SYNPO2L: variants seen among roughly 807,000 people sequenced by gnomAD.
SYNPO2L encodes the protein synaptopodin 2-like protein.
Under a neutral mutation model 47.5 loss-of-function variants are expected in SYNPO2L, and 34 were observed. The observed-to-expected ratio is 0.72, with a 90% CI of 0.54 to 0.95. The LOEUF is 0.95. Ranked by LOEUF, SYNPO2L falls within the 40% of genes least tolerant of loss-of-function variation. The pLI is 0.00. For missense variants in SYNPO2L, 1,246 were observed against 1,282.0 expected (o/e 0.97, Z 0.43); for synonymous variants, 536 against 524.9 (o/e 1.02, Z -0.29).
Position 73,653,342 on chromosome 10 carries a change from C to CCAGGGATAGTAGGTGCTGGCTCTG in SYNPO2L, c.545_568dup (p.Ala182_Pro189dup). The CCAGGGATAGTAGGTGCTGGCTCTG allele has an allele frequency of 6.4e-7, 1 of 1,551,570 alleles. No individual in the cohort carries two copies. Among genetic ancestry groups the CCAGGGATAGTAGGTGCTGGCTCTG allele is most frequent in the East Asian group, 2.4e-5 (1 of 40,916 alleles). On this transcript the variant is annotated inframe_insertion, in exon 3 of 4. Coordinates refer to ENST00000394810, the MANE Select transcript of SYNPO2L (RefSeq NM_001114133.3). ...ACGGCTGTCACCCTGGCTGGGAGGG[C>CCAGGGATAGTAGGTGCTGGCTCTG]CAGGGATAGTAGGTGCTGGCTCTGC...
At chr10:73,654,341 G>A in intron 1 of SYNPO2L, 61 bp from the exon 2 acceptor site, 3 of 1,537,090 alleles carry the variant, frequency 2.0e-6, no homozygotes, top group Non-Finnish European at 1.8e-6. Flanking sequence ...AGAATGAAAG[G>A]AAAAGATGGG....
Position 73,647,161 on chromosome 10 carries a change from C to T in SYNPO2L, c.2491G>A (p.Ala831Thr). 1 of 1,613,794 alleles carries T rather than the reference C, an allele frequency of 6.2e-7. No homozygotes were observed. Among genetic ancestry groups the T allele is most frequent in the Non-Finnish European group, 8.5e-7 (1 of 1,179,892 alleles). ...GTTGCCCGAGGCCCCTGGGATTGGG[C>T]CTTAGGGAGAGTTCGGGCCGCCTGG... is the stretch of plus-strand genomic sequence containing the variant. ...FPQAARTLPK[A>T]QSQGPRATPK... The change falls in exon 4 of 4, where the codon GCC becomes ACC. Residue 831 changes from alanine to threonine, a missense_variant. Transcript: ENST00000394810.
At position 73,647,475 on chromosome 10, in the gene SYNPO2L, G is replaced by A; in HGVS notation, c.2177C>T (p.Ala726Val). Residue 726 changes from alanine to valine, a missense_variant, in exon 4 of 4, where the codon GCT (alanine) becomes GTT (valine). By Grantham distance (64) the Ala-to-Val change is moderately conservative. Around this residue, in one of 3 missense-constraint regions of SYNPO2L, gnomAD observed 1,037 missense variants for 1,021.5 expected, o/e 1.02. Coordinates refer to ENST00000394810, the MANE Select transcript of SYNPO2L (RefSeq NM_001114133.3). ...PMTPKTPPPV[A>V]PKPPSRGLLD... The stretch of plus-strand genomic sequence containing the variant: ...GAGCCCTCGAGATGGGGGCTTAGGA[G>A]CCACTGGGGGTGGAGTCTTAGGAGT... 1.3e-6 allele frequency: 2 copies of A among 1,594,624 alleles called. No homozygotes were observed. Among genetic ancestry groups the A allele is most frequent in the Non-Finnish European group, 8.6e-7 (1 of 1,168,120 alleles).
chr10:73,655,299 T>C (rs7901549), intron 1 of SYNPO2L, among the ~76,000 whole-genome samples: 18,279 of 152,066 alleles, frequency 0.12, 2,520 homozygotes, highest in African/African-American at 0.32. Context: ...ATAACCCTCC[T>C]AGCACCTAAA....
rs1478742605 is a variant in SYNPO2L, at chr10:73,647,980, G to A, written c.1672C>T (p.Pro558Ser). The A allele has an allele frequency of 2.6e-6, 4 of 1,544,752 alleles. No homozygotes were observed. The Admixed American group carries it at 6.2e-5, about 24-fold the overall frequency. ...TCTGGAGCTCCACCTGGGGTGACAG[G>A]CCGACTAGGGGCTGGGATGTACAGG... ...SSLYIPAPSR[P>S]VTPGGAPEPP... The change falls in exon 4 of 4, where the codon CCT (proline) becomes TCT (serine). Residue 558 changes from proline (P) to serine (S), a missense_variant. This residue lies in a region of SYNPO2L where 1,037 missense variants were observed against 1,021.5 expected (regional missense o/e 1.02). Transcript: ENST00000394810.
At chr10:73,651,464 GA>G (rs981261383) in intron 3 of SYNPO2L, among the ~76,000 whole-genome samples, 4 of 152,114 alleles carry the variant, frequency 2.6e-5, no homozygotes, top group African/African-American at 9.7e-5. Context: ...AATGGTGGAG[GA>G]GAGGGAAGAA....
chr10:73,646,075 C>T lies in SYNPO2L; in HGVS notation c.*643G>A, dbSNP rs1433695129. The T allele has an allele frequency of 9.2e-6, 9 of 983,316 alleles. No individual in the cohort carries two copies. The highest frequency in any genetic ancestry group is 1.7e-5 in the African/African-American group (1 of 57,210). 60.9% of individuals were successfully genotyped at this position (983,316 alleles called of 1,614,324 possible). A position where few individuals can be genotyped will look rare whatever the true frequency, so the allele number is the denominator to read the frequency against. On this transcript the variant is annotated 3_prime_UTR_variant, in exon 4 of 4. Coordinates refer to ENST00000394810, the MANE Select transcript of SYNPO2L (RefSeq NM_001114133.3). ...TCCTGACCTCGTGATCCGCCCGCCTCGGCCTCCCAAAGTGCTGGGATTACC... is the reference window on the plus strand; with the variant it reads ...TCCTGACCTCGTGATCCGCCCGCCTTGGCCTCCCAAAGTGCTGGGATTACC...
rs1196401652 is a variant in SYNPO2L at position 73,648,318 on chromosome 10, G to A, written c.1334C>T (p.Ala445Val). Reference sequence around the variant, plus strand: ...ACCTGGTTGGAAGGGTCTGGGGCTGGCTACAGGCGCCGGCAAGGGGCTGGG... The same window carrying A: ...ACCTGGTTGGAAGGGTCTGGGGCTGACTACAGGCGCCGGCAAGGGGCTGGG... ...LPPSPLPAPVASPRPFQPGGG... is the reference protein window; with the variant it reads ...LPPSPLPAPVVSPRPFQPGGG... The change falls in exon 4 of 4, where the codon GCC becomes GTC. Residue 445 changes from alanine (A) to valine (V), a missense_variant. This residue lies in a region of SYNPO2L where 1,037 missense variants were observed against 1,021.5 expected (regional missense o/e 1.02). Coordinates refer to ENST00000394810, the MANE Select transcript of SYNPO2L (RefSeq NM_001114133.3). 1.2e-6 allele frequency: 2 copies of A among 1,604,690 alleles called. No individual in the cohort carries two copies. Among genetic ancestry groups the A allele is most frequent in the South Asian group, 1.1e-5 (1 of 90,842 alleles).
At chr10:73,654,086 G>A in intron 2 of SYNPO2L, 43 bp downstream of exon 2, 5 of 1,540,726 alleles carry the variant, frequency 3.2e-6, no homozygotes, top group Non-Finnish European at 4.4e-6. Flanking sequence ...ACAGGCAATG[G>A]GAGCCCTGGA....
At position 73,646,543 on chromosome 10, in the gene SYNPO2L, G is replaced by T; in HGVS notation, c.*175C>A. 2.4e-6 allele frequency: 3 copies of T among 1,261,578 alleles called. No homozygotes were observed. The highest frequency in any genetic ancestry group is 3.0e-6 in the Non-Finnish European group (3 of 1,003,474). The allele number at this position is 1,261,578 out of a possible 1,614,324, so 78.1% of individuals were successfully genotyped here. A position where few individuals can be genotyped will look rare whatever the true frequency, so the allele number is the denominator to read the frequency against. Reference sequence around the variant, plus strand: ...AGCAGACATACTTGGTTGGAAAGCGGCAGGGAGGTAGAGAGTGAGGAGGAA... The same window carrying T: ...AGCAGACATACTTGGTTGGAAAGCGTCAGGGAGGTAGAGAGTGAGGAGGAA... On this transcript the variant is annotated 3_prime_UTR_variant, in exon 4 of 4. Transcript: ENST00000394810.
intron 3 of SYNPO2L, among the ~76,000 whole-genome samples, chr10:73,649,575 A>C (rs990755952): frequency 9.9e-5 from 15 of 152,144 alleles, no homozygotes; most frequent in Non-Finnish European, 1.6e-4. Context: ...TCTCATTCAC[A>C]TATACCCCAG....
At position 73,647,151 on chromosome 10, in the gene SYNPO2L, T is replaced by C; in HGVS notation, c.2501A>G (p.Gln834Arg). 1 of 1,613,862 alleles carries C rather than the reference T, an allele frequency of 6.2e-7. No homozygotes were observed. The highest frequency in any genetic ancestry group is 8.5e-7 in the Non-Finnish European group (1 of 1,179,912). Residue 834 changes from glutamine to arginine, a missense_variant, in exon 4 of 4, where the codon CAG becomes CGG. By Grantham distance (43) the Gln-to-Arg change is conservative. Transcript: ENST00000394810. ...AARTLPKAQS[Q>R]GPRATPKQGI... ...CTGCTTGGGTGTTGCCCGAGGCCCC[T>C]GGGATTGGGCCTTAGGGAGAGTTCG... is the stretch of plus-strand genomic sequence containing the variant.
At chr10:73,651,190 T>C (rs1424224358) in intron 3 of SYNPO2L, among the ~76,000 whole-genome samples, 2 of 152,168 alleles carry the variant, frequency 1.3e-5, no homozygotes, top group Admixed American at 6.5e-5. Flanking sequence ...TGTGGGCACC[T>C]GCCTTCCCTT....
Position 73,647,771 on chromosome 10 carries a change from G to A in SYNPO2L, c.1881C>T (p.Ala627=), listed in dbSNP as rs766197020. The A allele has an allele frequency of 6.2e-7, 1 of 1,613,724 alleles. No homozygotes were observed. The highest frequency in any genetic ancestry group is 1.1e-5 in the South Asian group (1 of 91,052). ...PAARTGILQE[A]RRRGTRKQMF... is the part of the protein sequence containing the mutation. ...TCTGCTTCCGGGTCCCCCGGCGCCGGGCCTCCTGCAGGATACCCGTGCGGG... is the reference window on the plus strand; with the variant it reads ...TCTGCTTCCGGGTCCCCCGGCGCCGAGCCTCCTGCAGGATACCCGTGCGGG... Residue 627 remains alanine (A), a synonymous_variant, in exon 4 of 4, where the codon GCC becomes GCT. Coordinates refer to ENST00000394810, the MANE Select transcript of SYNPO2L (RefSeq NM_001114133.3).
In SYNPO2L at chr10:73,645,510, ATT is replaced by A; in HGVS notation, c.*1206_*1207del. On this transcript the variant is annotated 3_prime_UTR_variant, in exon 4 of 4. Transcript: ENST00000394810. ...AATGATTTGTTCATTCTCGGAGGGA[ATT>A]TTCTTTCTTTTTTTCATTTCCTGGG... 1 of 992,180 alleles carries A rather than the reference ATT, an allele frequency of 1.0e-6. No homozygotes were observed. The highest frequency in any genetic ancestry group is 1.2e-6 in the Non-Finnish European group (1 of 835,230). 61.5% of individuals were successfully genotyped at this position (992,180 alleles called of 1,614,324 possible).
Position 73,648,047 on chromosome 10 carries a change from G to C in SYNPO2L, c.1605C>G (p.Pro535=), listed in dbSNP as rs756249642. 6.3e-7 allele frequency: 1 copy of C among 1,592,024 alleles called. No individual in the cohort carries two copies. The highest frequency in any genetic ancestry group is 8.6e-7 in the Non-Finnish European group (1 of 1,169,366). Residue 535 remains proline, a synonymous_variant, in exon 4 of 4, where the codon CCC becomes CCG. Transcript: ENST00000394810. ...VPSHAPVSGS[P]STPRSSGPVT... ...CAGGGCCCGAGGAGCGTGGGGTGCT[G>C]GGGGAACCAGAGACTGGCGCGTGGC...
chr10:73,647,610 G>A lies in SYNPO2L; in HGVS notation c.2042C>T (p.Ala681Val), dbSNP rs939132708. ...GPEEDALSLG[A>V]EACNFMQPVG... ...TGGCTGCATGAAGTTGCAGGCTTCA[G>A]CCCCGAGGCTCAGAGCATCTTCTTC... Residue 681 changes from alanine to valine, a missense_variant, in exon 4 of 4, where the codon GCT (alanine) becomes GTT (valine). By Grantham distance (64) the Ala-to-Val change is moderately conservative (BLOSUM62 0). Coordinates refer to ENST00000394810, the MANE Select transcript of SYNPO2L (RefSeq NM_001114133.3). 6 of 1,614,048 alleles carry A rather than the reference G, an allele frequency of 3.7e-6. No homozygotes were observed. The highest frequency in any genetic ancestry group is 2.7e-5 in the African/African-American group (2 of 74,934).
chr10:73,653,405 C>T lies in SYNPO2L; in HGVS notation c.506G>A (p.Gly169Asp), dbSNP rs1414770575. 6 of 1,551,330 alleles carry T rather than the reference C, an allele frequency of 3.9e-6. No homozygotes were observed. In the Admixed American group the frequency reaches 9.8e-5, roughly 25 times the overall value. The change falls in exon 3 of 4, where the codon GGT becomes GAT. Residue 169 changes from glycine (G) to aspartate (D), a missense_variant. Gly to Asp is a moderately conservative substitution (Grantham distance 94). This residue lies in a region of SYNPO2L where 148 missense variants were observed against 204.8 expected (regional missense o/e 0.72). Transcript: ENST00000394810. Reference protein sequence around the residue: ...RRGPTRPTPPGAPPDEVYLSD... With the variant: ...RRGPTRPTPPDAPPDEVYLSD... ...CAGGTAGACCTCATCAGGTGGGGCA[C>T]CCGGAGGGGTGGGCCTTGTGGGGCC...
rs199587394 is a variant in SYNPO2L at position 73,654,277 on chromosome 10, G to T, written c.109C>A (p.Arg37=). Residue 37 remains arginine (R), a synonymous_variant, in exon 2 of 4, where the codon CGA becomes AGA. Transcript: ENST00000394810. The part of the protein sequence containing the change: ...QRKPLQVSKI[R]RRSQAGRAGL... ...GCTCTGCCAGCCTGGCTCCGTCTTC[G>T]AATCTGAGATGTTGAAGGAGACACT... 7.3e-4 allele frequency: 1,131 copies of T among 1,551,328 alleles called. No homozygotes were observed. Among genetic ancestry groups the T allele is most frequent in the Non-Finnish European group, 9.1e-4 (1,040 of 1,146,946 alleles).
Sources: allele counts gnomAD v4.1 joint callset (sites outside exome capture counted in the v4.1 genomes callset), GRCh38; gene constraint gnomAD v4.1.1; regional missense constraint gnomAD v4.1.1; transcripts MANE v1.5; gene names NCBI Gene and HGNC (gene_info 2026-07-23, HGNC 2026-07-21).